Variants in HPGDS observed in about 807,000 individuals in gnomAD.
HPGDS encodes the protein GST class-sigma.
Under a neutral mutation model 23.1 loss-of-function variants are expected in HPGDS, and 26 were observed. The observed-to-expected ratio is 1.13, with a 90% CI of 0.83 to 1.56. HPGDS has a LOEUF of 1.56. HPGDS is among the 40% of genes most tolerant of loss of function. The probability of loss-of-function intolerance (pLI) is 0.00; values close to 1 mark genes in which losing one functional copy is unlikely to be tolerated. For missense variants in HPGDS, 268 were observed against 236.4 expected (o/e 1.13, Z -0.88); for synonymous variants, 95 against 77.9 (o/e 1.22, Z -1.16).
At chr4:94,301,133 G>A (rs1225798212) in intron 5 of HPGDS, among the ~76,000 whole-genome samples, 3 of 152,190 alleles carry the variant, frequency 2.0e-5, no homozygotes, top group Non-Finnish European at 2.9e-5. Context: ...GAATAAAGAT[G>A]TGGCAAATGT....
chr4:94,328,626 A>T (rs1277759265), intron 2 of HPGDS, among the ~76,000 whole-genome samples: 1 of 152,246 alleles, frequency 6.6e-6, no homozygotes, highest in Non-Finnish European at 1.5e-5. Context: ...ATATTTTAAA[A>T]CAAATTATAA....
At position 94,340,287 on chromosome 4, in the gene HPGDS, TTCTTTCTTTCTTTCTTTCTTTCTC is replaced by T. The variant is rs1560597878; in HGVS notation, c.-10+2484_-10+2507del. The stretch of plus-strand genomic sequence containing the variant: ...TTTCTTTCTTTCTTTCTTTCTTTCT[TTCTTTCTTTCTTTCTTTCTTTCTC>T]TTTTTTTTTTTTTTTTTTTTTTTTT... On this transcript the variant is annotated intron_variant, in intron 1 of 5. Transcript: ENST00000295256. 3.5e-4 allele frequency among the ~76,000 whole-genome samples: 25 copies of T among 70,670 alleles called. 1 individual carries two copies. Among genetic ancestry groups the T allele is most frequent in the African/African-American group, 9.7e-4 (21 of 21,618 alleles). 46.4% of individuals were successfully genotyped at this position (70,670 alleles called of 152,430 possible). A position where few individuals can be genotyped will look rare whatever the true frequency, so the allele number is the denominator to read the frequency against.
At chr4:94,340,317 T>TCTTTCTTTCTTTTTCTTTTC (rs1560598066) in intron 1 of HPGDS, among the ~76,000 whole-genome samples, 2 of 16,502 alleles carry the variant, frequency 1.2e-4, no homozygotes, top group Non-Finnish European at 2.2e-4. Flanking sequence ...TTCTCTTTTT[T>TCTTTCTTTCTTTTTCTTTTC]TTTTTTTTTT....
intron 3 of HPGDS, among the ~76,000 whole-genome samples, chr4:94,311,430 T>C (rs182767043): frequency 6.6e-6 from 1 of 151,518 alleles, no homozygotes; most frequent in East Asian, 1.9e-4. Context: ...GTTTATATGC[T>C]GGATTACGTT....
chr4:94,321,848 C>G (rs1756516025), intron 2 of HPGDS, among the ~76,000 whole-genome samples: 1 of 152,142 alleles, frequency 6.6e-6, no homozygotes, highest in African/African-American at 2.4e-5. Context: ...TGCCAGTTTT[C>G]AAAGGGAATG....
intron 3 of HPGDS, 66 bp downstream of exon 3, chr4:94,317,807 A>C: frequency 1.1e-6 from 1 of 889,996 alleles, no homozygotes; most frequent in Non-Finnish European, 1.8e-6. Flanking sequence ...TCATTTAATG[A>C]ATATTGAATA....
intron 2 of HPGDS, among the ~76,000 whole-genome samples, chr4:94,326,577 C>G (rs1266365255): frequency 6.6e-6 from 1 of 152,012 alleles, no homozygotes; most frequent in Non-Finnish European, 1.5e-5. Context: ...TAATATCTAT[C>G]TGTTATATTG....
intron 2 of HPGDS, among the ~76,000 whole-genome samples, chr4:94,318,734 G>T (rs941056546): frequency 2.6e-5 from 4 of 152,010 alleles, no homozygotes; most frequent in Non-Finnish European, 4.4e-5. Context: ...TTTTTTTGAG[G>T]TGGAGTCTCG....
At chr4:94,324,030 G>C (rs1044864357) in intron 2 of HPGDS, among the ~76,000 whole-genome samples, 2 of 152,098 alleles carry the variant, frequency 1.3e-5, no homozygotes, top group African/African-American at 4.8e-5. Context: ...GCTTAGTTTG[G>C]CAGGATATGA....
At chr4:94,309,981 G>A (rs924827389) in intron 3 of HPGDS, among the ~76,000 whole-genome samples, 3 of 152,130 alleles carry the variant, frequency 2.0e-5, no homozygotes, top group African/African-American at 7.2e-5. Context: ...GGGGTTGTTT[G>A]CTTTTTTCAT....
intron 3 of HPGDS, among the ~76,000 whole-genome samples, chr4:94,309,318 T>A (rs1175805749): frequency 6.9e-6 from 1 of 145,554 alleles, no homozygotes; most frequent in Non-Finnish European, 1.5e-5. Flanking sequence ...CCCCTTCCTG[T>A]GTCCATGTGT....
intron 3 of HPGDS, among the ~76,000 whole-genome samples, chr4:94,309,543 A>G (rs1437981044): frequency 1.7e-3 from 265 of 152,010 alleles, no homozygotes; most frequent in Non-Finnish European, 2.6e-3. Flanking sequence ...TGGACATTTG[A>G]CTTGGTTCCA....
chr4:94,299,749 T>C (rs1434418170), intron 5 of HPGDS, 105 bp from the exon 6 acceptor site: 20 of 1,051,230 alleles, frequency 1.9e-5, no homozygotes, highest in Non-Finnish European at 2.6e-5. Context: ...CAAAACAATC[T>C]TGTTATTACA....
intron 1 of HPGDS, among the ~76,000 whole-genome samples, chr4:94,340,313 T>TTCTTTTTC (rs1721129735): frequency 1.7e-4 from 3 of 17,608 alleles, no homozygotes; most frequent in Non-Finnish European, 3.2e-4. Flanking sequence ...TTCTTTCTCT[T>TTCTTTTTC]TTTTTTTTTT....
At chr4:94,342,613 G>C (rs533862535) in intron 1 of HPGDS, among the ~76,000 whole-genome samples, 182 bp downstream of exon 1, 6 of 152,256 alleles carry the variant, frequency 3.9e-5, no homozygotes, top group Admixed American at 3.3e-4. Flanking sequence ...GACTATTTGA[G>C]TTTCACATAT....
chr4:94,303,833 A>G (rs1011848948), intron 4 of HPGDS: 1 of 152,140 alleles, frequency 6.6e-6, no homozygotes, highest in Non-Finnish European at 1.5e-5. Context: ...GTTTGTGTAT[A>G]TGCAGAGTCA....
chr4:94,315,655 A>G (rs1034573797), intron 3 of HPGDS, among the ~76,000 whole-genome samples: 1 of 152,214 alleles, frequency 6.6e-6, no homozygotes, highest in Non-Finnish European at 1.5e-5. Flanking sequence ...GAAACTGTAT[A>G]CTGACAGTGG....
At chr4:94,334,914 A>G (rs1006335283) in intron 1 of HPGDS, among the ~76,000 whole-genome samples, 1 of 152,346 alleles carries the variant, frequency 6.6e-6, no homozygotes, top group Non-Finnish European at 1.5e-5. Flanking sequence ...TTAAGAGGGT[A>G]ACTACACCCC....
At chr4:94,316,723 A>T (rs762440808) in intron 3 of HPGDS, among the ~76,000 whole-genome samples, 1 of 152,198 alleles carries the variant, frequency 6.6e-6, no homozygotes, top group Non-Finnish European at 1.5e-5. Flanking sequence ...TCAAAGTGAG[A>T]TCCATGGACC....
Sources: allele counts gnomAD v4.1 joint callset (sites outside exome capture counted in the v4.1 genomes callset), GRCh38; gene constraint gnomAD v4.1.1; transcripts MANE v1.5; gene names NCBI Gene and HGNC (gene_info 2026-07-23, HGNC 2026-07-21).